The following HMX1 variants were observed in gnomAD, a reference collection of about 807,000 sequenced individuals.
The protein encoded by HMX1 is homeobox protein HMX1.
HMX1 carries 8 observed loss-of-function variants against 8.9 expected under a neutral mutation model. The observed-to-expected ratio is 0.90, with a 90% CI of 0.53 to 1.63. The LOEUF is 1.63. HMX1 is among the 40% of genes most tolerant of loss of function. The probability of loss-of-function intolerance (pLI) is 0.00; values close to 1 mark genes in which losing one functional copy is unlikely to be tolerated. For missense variants in HMX1, 621 were observed against 558.5 expected, an observed-to-expected ratio of 1.11 and a Z score of -1.13; for synonymous variants, 311 against 283.4, an observed-to-expected ratio of 1.10 and a Z score of -0.98.
At chr4:8,863,621 G>A (rs914291224), downstream of HMX1, among the ~76,000 whole-genome samples, 1 of 150,326 alleles carries the variant, frequency 6.7e-6, no homozygotes, top group Admixed American at 6.5e-5. Flanking sequence ...GGCCAAGCTG[G>A]GTGGAGCGCG....
At chr4:8,863,631 G>A (rs1258958620), downstream of HMX1, among the ~76,000 whole-genome samples, 1 of 149,632 alleles carries the variant, frequency 6.7e-6, no homozygotes, top group Non-Finnish European at 1.5e-5. Flanking sequence ...GGTGGAGCGC[G>A]CGGGGGAATC....
At chr4:8,869,818 AGGG>A (rs755373089) in intron 1 of HMX1, among the ~76,000 whole-genome samples, 1 of 152,152 alleles carries the variant, frequency 6.6e-6, no homozygotes, top group Non-Finnish European at 1.5e-5. Context: ...GCACGAAATA[AGGG>A]GGAGCCGCCT....
At position 8,871,823 on chromosome 4, in the gene HMX1, C is replaced by T. The variant is rs1722238358; in HGVS notation, c.-209G>A. ...GCGCGCCGACAGCTGATCGGGCAGC[C>T]GCCTGGCTCGCCTTTCAGGTCGCCG... On this transcript the variant is annotated 5_prime_UTR_variant, in exon 1 of 2. Transcript: ENST00000400677. The surrounding 1 kb of genome is among the most constrained non-coding windows in gnomAD (Gnocchi z 4.8). 1 of 523,808 alleles carries T rather than the reference C, an allele frequency of 1.9e-6. No homozygotes were observed. 32.4% of individuals were successfully genotyped at this position (523,808 alleles called of 1,614,324 possible). A position where few individuals can be genotyped will look rare whatever the true frequency, so the allele number is the denominator to read the frequency against.
intron 1 of HMX1, among the ~76,000 whole-genome samples, chr4:8,859,751 CCCCCCG>C (rs1172647529): frequency 6.6e-6 from 1 of 152,176 alleles, no homozygotes; most frequent in Non-Finnish European, 1.5e-5. Flanking sequence ...ATGAGGACAT[CCCCCCG>C]CCCCTTCGTC....
downstream of HMX1, among the ~76,000 whole-genome samples, chr4:8,862,903 G>T (rs1721875120): frequency 2.6e-5 from 4 of 152,300 alleles, no homozygotes; most frequent in African/African-American, 7.2e-5. Flanking sequence ...GCTTAGCTCT[G>T]TGAGGACAGG....
intron 1 of HMX1, among the ~76,000 whole-genome samples, chr4:8,858,367 G>C (rs1044784373): frequency 6.6e-6 from 1 of 152,180 alleles, no homozygotes; most frequent in Non-Finnish European, 1.5e-5. Flanking sequence ...GACACACCGA[G>C]GGGTGAGGGG....
intron 1 of HMX1, chr4:8,859,196 C>CA (rs1205760628): frequency 6.6e-6 from 1 of 152,302 alleles, no homozygotes; most frequent in South Asian, 2.1e-4. Flanking sequence ...CTGGCCCCCC[C>CA]CCACGCCTCT....
downstream of HMX1, among the ~76,000 whole-genome samples, chr4:8,866,452 C>G (rs1577199685): frequency 1.3e-5 from 2 of 152,246 alleles, no homozygotes; most frequent in African/African-American, 2.4e-5. Context: ...AAGCAGCCAG[C>G]TTGGGGCTGA....
chr4:8,847,728 C>T lies in HMX1; in HGVS notation c.395-1404G>A, dbSNP rs958739859. ...TTCCAGTATATGAGGCCTGCCTTGA[C>T]TATACTGCCTCCTTCATTATATCCT... On this transcript the variant is annotated intron_variant, in intron 1 of 1. Coordinates refer to the HMX1 transcript ENST00000506970. The surrounding 1 kb of genome is among the most constrained non-coding windows in gnomAD (Gnocchi z 6.0). Among the ~76,000 whole-genome samples the T allele has an allele frequency of 2.6e-5, 4 of 152,206 alleles. No homozygotes were observed. Among genetic ancestry groups the T allele is most frequent in the African/African-American group, 9.6e-5 (4 of 41,454 alleles).
chr4:8,856,395 T>C (rs1302576536), intron 1 of HMX1, among the ~76,000 whole-genome samples: 1 of 152,146 alleles, frequency 6.6e-6, no homozygotes, highest in Non-Finnish European at 1.5e-5. Flanking sequence ...GGTAGTGGTT[T>C]ATGCTCTTTG....
downstream of HMX1, among the ~76,000 whole-genome samples, chr4:8,866,644 G>A (rs749896761): frequency 6.6e-6 from 1 of 152,204 alleles, no homozygotes; most frequent in Non-Finnish European, 1.5e-5. Context: ...TGAGTGCCAC[G>A]GCTTTGTTTT....
rs567637997 is a variant in HMX1 at position 8,856,028 on chromosome 4, G to A, written c.395-9704C>T. ...AACAACAGGACCACAGAAAACCAAG[G>A]GGGAAAAGGCCACTAGTATAGAACA... On this transcript the variant is annotated intron_variant, in intron 1 of 1. Coordinates refer to the HMX1 transcript ENST00000506970. Among the ~76,000 whole-genome samples, 5 of 152,298 alleles carry A rather than the reference G, an allele frequency of 3.3e-5. No individual in the cohort carries two copies. The East Asian group carries it at 9.7e-4, about 29-fold the overall frequency.
rs1722040319 is a variant in HMX1, at chr4:8,867,453, T to A, written c.*240A>T. ...GGCTGCGCAGCCCAGAGTCTCTGCA[T>A]GGCCCCCTGTTCGAGTGGGGATCCA... On this transcript the variant is annotated 3_prime_UTR_variant, in exon 2 of 2. Coordinates refer to ENST00000400677, the MANE Select transcript of HMX1 (RefSeq NM_018942.3). 3.6e-6 allele frequency: 4 copies of A among 1,115,206 alleles called. No individual in the cohort carries two copies. Among genetic ancestry groups the A allele is most frequent in the Non-Finnish European group, 3.3e-6 (3 of 914,402 alleles). 69.1% of individuals were successfully genotyped at this position (1,115,206 alleles called of 1,614,324 possible). A position where few individuals can be genotyped will look rare whatever the true frequency, so the allele number is the denominator to read the frequency against.
At chr4:8,858,631 G>T (rs1721692812) in intron 1 of HMX1, 1 of 152,176 alleles carries the variant, frequency 6.6e-6, no homozygotes. Context: ...GCCCCCGGGC[G>T]GCCGGGGCCT....
At chr4:8,855,195 G>A (rs534058833) in intron 1 of HMX1, among the ~76,000 whole-genome samples, 1 of 152,354 alleles carries the variant, frequency 6.6e-6, no homozygotes, top group South Asian at 2.1e-4. Context: ...GAAGACCCAC[G>A]CTGTTAGATT....
Position 8,867,358 on chromosome 4 carries a change from AG to A in HMX1, c.*334del. 1 of 1,022,564 alleles carries A rather than the reference AG, an allele frequency of 9.8e-7. No individual in the cohort carries two copies. The highest frequency in any genetic ancestry group is 1.2e-6 in the Non-Finnish European group (1 of 854,874). The allele number at this position is 1,022,564 out of a possible 1,614,324, so 63.3% of individuals were successfully genotyped here. A position where few individuals can be genotyped will look rare whatever the true frequency, so the allele number is the denominator to read the frequency against. On this transcript the variant is annotated 3_prime_UTR_variant, in exon 2 of 2. Transcript: ENST00000400677. Reference sequence around the variant, plus strand: ...CCTTTGTTGCGCTGGGCTTGGCCTGAGGGCAGCTGCCCCGGGTGGCCATGGC... The same window carrying A: ...CCTTTGTTGCGCTGGGCTTGGCCTGAGGCAGCTGCCCCGGGTGGCCATGGC...
chr4:8,865,745 G>A (rs984521230), downstream of HMX1, among the ~76,000 whole-genome samples: 14 of 152,066 alleles, frequency 9.2e-5, no homozygotes, highest in African/African-American at 2.4e-4. Context: ...CCTCATGGCC[G>A]CCAACAGGGA....
At chr4:8,861,353 C>G (rs1241815652) in intron 1 of HMX1, among the ~76,000 whole-genome samples, 2 of 152,212 alleles carry the variant, frequency 1.3e-5, no homozygotes. Context: ...GCCCCGGAGG[C>G]CGCGCTTCCC....
At chr4:8,857,451 C>G (rs920214890) in intron 1 of HMX1, among the ~76,000 whole-genome samples, 2 of 152,218 alleles carry the variant, frequency 1.3e-5, no homozygotes, top group Non-Finnish European at 2.9e-5. Flanking sequence ...CGCGGCTTCC[C>G]TGCTGCGCCG....
Sources: gnomAD v4.1 joint callset for allele counts (sites outside exome capture counted in the v4.1 genomes callset) on GRCh38, gnomAD v4.1.1 for gene constraint, Gnocchi (gnomAD v3.1) non-coding constraint, MANE v1.5 for transcripts, NCBI Gene and HGNC (gene_info 2026-07-23, HGNC 2026-07-21) for gene names.